CHD9: variants seen among roughly 807,000 people sequenced by gnomAD.
The protein encoded by CHD9 is ATP-dependent chromatin remodeler CHD9.
Under a neutral mutation model 316.1 loss-of-function variants are expected in CHD9, and 77 were observed. The ratio of observed to expected loss-of-function variants is 0.24; its 90% confidence interval spans 0.20 to 0.29. The LOEUF is 0.29. CHD9 is among the 10% of genes least tolerant of loss of function. The probability of loss-of-function intolerance (pLI) is 1.00; values close to 1 mark genes in which losing one functional copy is unlikely to be tolerated. For missense variants in CHD9, 2,763 were observed against 3,438.1 expected (o/e 0.80, Z 4.91); for synonymous variants, 1,129 against 1,158.3 (o/e 0.97, Z 0.51).
chr16:53,146,419 G>GTGTGTGTGTGTGTATATATA (rs1555492145), intron 1 of CHD9, among the ~76,000 whole-genome samples: 2 of 76,704 alleles, frequency 2.6e-5, no homozygotes, highest in African/African-American at 1.2e-4. Context: ...GTGTGTGTAT[G>GTGTGTGTGTGTGTATATATA]TATATATATA....
At chr16:53,100,453 CTTTTT>C (rs61450186) in intron 1 of CHD9, among the ~76,000 whole-genome samples, 1 of 129,638 alleles carries the variant, frequency 7.7e-6, no homozygotes, top group Non-Finnish European at 1.7e-5. Flanking sequence ...ACTCATTCGT[CTTTTT>C]TTTTTTTTTT....
intron 32 of CHD9, 127 bp from the exon 33 acceptor site, chr16:53,307,553 GA>G (rs1285925650): frequency 9.4e-6 from 7 of 745,626 alleles, no homozygotes; most frequent in Non-Finnish European, 1.5e-5. Flanking sequence ...ATATACACGA[GA>G]ATATGTATGC....
intron 2 of CHD9, among the ~76,000 whole-genome samples, chr16:53,184,477 C>T (rs542635697): frequency 3.3e-4 from 50 of 152,066 alleles, no homozygotes; most frequent in African/African-American, 1.2e-3. Context: ...GCTGGGACTA[C>T]AGGTACACAC....
At chr16:53,085,180 A>T (rs898237302) in intron 1 of CHD9, among the ~76,000 whole-genome samples, 2 of 151,892 alleles carry the variant, frequency 1.3e-5, no homozygotes, top group Non-Finnish European at 2.9e-5. Flanking sequence ...TTCACAGAGG[A>T]CTTGCTGTCT....
At chr16:53,203,651 G>T (rs953815794) in intron 2 of CHD9, among the ~76,000 whole-genome samples, 5 of 152,088 alleles carry the variant, frequency 3.3e-5, no homozygotes, top group African/African-American at 1.2e-4. Context: ...TATCTCTGTT[G>T]TTGAAAATTT....
chr16:53,324,832 T>C lies in CHD9; in HGVS notation c.8631T>C (p.Ala2877=), dbSNP rs1462689025. The C allele has an allele frequency of 6.2e-7, 1 of 1,612,190 alleles. No individual in the cohort carries two copies. Among genetic ancestry groups the C allele is most frequent in the Non-Finnish European group, 8.5e-7 (1 of 1,179,236 alleles). Residue 2877 remains alanine, a synonymous_variant, in exon 39 of 39, where the codon GCT becomes GCC. Transcript: ENST00000447540. ...ATGAGGGTTCAGAGAAAGCTGATGCTTCATCTGGATCTGATAGTACATCGT... is the reference window on the plus strand; with the variant it reads ...ATGAGGGTTCAGAGAAAGCTGATGCCTCATCTGGATCTGATAGTACATCGT... ...STDEGSEKAD[A]SSGSDSTSSS... is the part of the protein sequence containing the mutation.
chr16:53,201,847 T>G (rs192630712), intron 2 of CHD9, among the ~76,000 whole-genome samples: 3 of 146,968 alleles, frequency 2.0e-5, no homozygotes, highest in Non-Finnish European at 4.5e-5. Flanking sequence ...AGTTTGAGGT[T>G]TTTTTTTTTG....
At chr16:53,152,266 T>C (rs2041183593) in intron 1 of CHD9, among the ~76,000 whole-genome samples, 1 of 152,218 alleles carries the variant, frequency 6.6e-6, no homozygotes, top group Non-Finnish European at 1.5e-5. Flanking sequence ...TTTCCTTGAA[T>C]GCTGGGAGTA....
chr16:53,095,633 T>C (rs2036313894), intron 1 of CHD9, among the ~76,000 whole-genome samples: 1 of 152,216 alleles, frequency 6.6e-6, no homozygotes, highest in African/African-American at 2.4e-5. Flanking sequence ...CATAATATTA[T>C]GTGGCTAAAA....
chr16:53,315,155 G>C (rs938450901), intron 36 of CHD9, 111 bp downstream of exon 36: 4 of 711,344 alleles, frequency 5.6e-6, no homozygotes. Flanking sequence ...CTCTGCCTAA[G>C]ACCTAGGAGA....
intron 1 of CHD9, among the ~76,000 whole-genome samples, chr16:53,136,660 C>G (rs928505904): frequency 9.2e-5 from 14 of 151,628 alleles, no homozygotes; most frequent in African/African-American, 3.4e-4. Flanking sequence ...CCCGGGGTTT[C>G]TAATATTAGG....
At position 53,326,358 on chromosome 16, in the gene CHD9, A is replaced by G. The variant is rs2057540721; in HGVS notation, c.*1463A>G. ...TGCAAGGGCATAAATTTAGGGGGAA[A>G]AAGTGTCCCAGTTCTCTCCTACAGA... On this transcript the variant is annotated 3_prime_UTR_variant, in exon 39 of 39. Transcript: ENST00000447540. 1 of 152,610 alleles carries G rather than the reference A, an allele frequency of 6.6e-6. No individual in the cohort carries two copies. The highest frequency in any genetic ancestry group is 2.4e-5 in the African/African-American group (1 of 41,576). The allele number at this position is 152,610 out of a possible 1,614,324, so 9.5% of individuals were successfully genotyped here. A position where few individuals can be genotyped will look rare whatever the true frequency, so the allele number is the denominator to read the frequency against.
At chr16:53,214,240 C>A (rs2152884540) in intron 3 of CHD9, among the ~76,000 whole-genome samples, 1 of 152,030 alleles carries the variant, frequency 6.6e-6, no homozygotes, top group East Asian at 1.9e-4. Flanking sequence ...ACATTCTTAT[C>A]TATAAAAATC....
intron 24 of CHD9, among the ~76,000 whole-genome samples, chr16:53,281,460 CTT>C (rs977446395): frequency 8.5e-5 from 13 of 152,302 alleles, no homozygotes; most frequent in African/African-American, 3.1e-4. Flanking sequence ...CACAGTTAGA[CTT>C]TTGCAATGGC....
intron 1 of CHD9, among the ~76,000 whole-genome samples, chr16:53,127,792 A>T (rs753683455): frequency 2.6e-5 from 4 of 151,950 alleles, no homozygotes; most frequent in South Asian, 2.1e-4. Flanking sequence ...GTAGTGGTGC[A>T]GGCCTGTAAT....
intron 1 of CHD9, among the ~76,000 whole-genome samples, chr16:53,094,957 A>G (rs2036257053): frequency 6.6e-6 from 1 of 152,074 alleles, no homozygotes; most frequent in African/African-American, 2.4e-5. Context: ...CTTTTTACTG[A>G]ATTTAAGTGC....
chr16:53,093,823 G>C (rs978562849), intron 1 of CHD9, among the ~76,000 whole-genome samples: 3 of 152,126 alleles, frequency 2.0e-5, no homozygotes, highest in African/African-American at 7.2e-5. Context: ...GGACACTGAT[G>C]ATTGTTTTGG....
rs2057447672 is a variant in CHD9 at position 53,324,246 on chromosome 16, T to G, written c.8045T>G (p.Leu2682Trp). 6.2e-7 allele frequency: 1 copy of G among 1,613,970 alleles called. No individual in the cohort carries two copies. The highest frequency in any genetic ancestry group is 8.5e-7 in the Non-Finnish European group (1 of 1,179,874). Reference sequence around the variant, plus strand: ...GCCTTACAACAAAACCTACAAAACTTGCAGTCACTGCAAGTAACTGCTGGG... The same window carrying G: ...GCCTTACAACAAAACCTACAAAACTGGCAGTCACTGCAAGTAACTGCTGGG... ...LQALQQNLQN[L>W]QSLQVTAGLM... The change falls in exon 39 of 39, where the codon TTG becomes TGG. Residue 2682 changes from leucine to tryptophan, a missense_variant. Leu to Trp is a moderately conservative substitution (Grantham distance 61). Coordinates refer to ENST00000447540, the MANE Select transcript of CHD9 (RefSeq NM_001308319.2).
chr16:53,182,090 C>T (rs1304968849), intron 2 of CHD9, among the ~76,000 whole-genome samples: 1 of 152,178 alleles, frequency 6.6e-6, no homozygotes, highest in African/African-American at 2.4e-5. Flanking sequence ...TATATTTTTA[C>T]TATGCATGAT....
Sources: allele counts gnomAD v4.1 joint callset (sites outside exome capture counted in the v4.1 genomes callset), GRCh38; gene constraint gnomAD v4.1.1; transcripts MANE v1.5; gene names NCBI Gene and HGNC (gene_info 2026-07-23, HGNC 2026-07-21).